The following TRMT9B variants were observed in gnomAD, a reference collection of about 807,000 sequenced individuals.
The protein encoded by TRMT9B is tRNA methyltransferase 9B (putative), also known as probable tRNA methyltransferase 9B.
TRMT9B carries 16 observed loss-of-function variants against 11.5 expected under a neutral mutation model. That is an observed-to-expected ratio of 1.39 (90% confidence interval 0.94 to 2.11). TRMT9B has a LOEUF of 2.11. TRMT9B is among the 30% of genes most tolerant of loss of function. The probability of loss-of-function intolerance (pLI) is 0.00; values close to 1 mark genes in which losing one functional copy is unlikely to be tolerated. For synonymous variants in TRMT9B, 274 were observed against 192.4 expected, an observed-to-expected ratio of 1.42 and a Z score of -3.51; for missense variants, 941 against 553.8, an observed-to-expected ratio of 1.70 and a Z score of -7.02.
At position 12,999,499 on chromosome 8, in the gene TRMT9B, A is replaced by T. The variant is rs532614135; in HGVS notation, c.-1-6703A>T. ...ATACTTTAAATATATGCAGTTTGTT[A>T]TATGTCAATTATACCTAAATAAAAC... On this transcript the variant is annotated intron_variant, in intron 2 of 4. Transcript: ENST00000524591. Among the ~76,000 whole-genome samples the T allele has an allele frequency of 8.5e-5, 13 of 152,228 alleles. No homozygotes were observed. In the South Asian group the frequency reaches 2.7e-3, roughly 32 times the overall value.
chr8:13,000,441 C>G (rs962375654), intron 2 of TRMT9B, among the ~76,000 whole-genome samples: 3 of 152,176 alleles, frequency 2.0e-5, no homozygotes, highest in African/African-American at 7.2e-5. Context: ...TTTCTGTCCT[C>G]TCTTCCATCC....
chr8:12,949,445 T>A (rs565235611), intron 1 of TRMT9B, among the ~76,000 whole-genome samples: 1 of 152,338 alleles, frequency 6.6e-6, no homozygotes, highest in South Asian at 2.1e-4. Flanking sequence ...CTTAAAAGTC[T>A]AGCTATGTTT....
intron 1 of TRMT9B, chr8:12,961,897 G>A (rs1337803927): frequency 2.0e-5 from 3 of 152,180 alleles, no homozygotes; most frequent in African/African-American, 7.2e-5. Flanking sequence ...GCTTTTAGCA[G>A]GCGAGGAGAA....
rs1354360804 is a variant in TRMT9B at position 13,027,869 on chromosome 8, C to T, written c.*5825C>T. On this transcript the variant is annotated 3_prime_UTR_variant, in exon 5 of 5. Coordinates refer to ENST00000524591, the MANE Select transcript of TRMT9B (RefSeq NM_020844.3). ...TTAACTCCTCTTGTTCCAATCTTAA[C>T]TCAAAATTATGATTATTTTGATTAT... 1 of 167,044 alleles carries T rather than the reference C, an allele frequency of 6.0e-6. No individual in the cohort carries two copies. The highest frequency in any genetic ancestry group is 1.5e-5 in the Non-Finnish European group (1 of 68,124). 10.3% of individuals were successfully genotyped at this position (167,044 alleles called of 1,614,324 possible).
At chr8:12,973,942 T>G (rs187263569) in intron 1 of TRMT9B, among the ~76,000 whole-genome samples, 1 of 152,276 alleles carries the variant, frequency 6.6e-6, no homozygotes, top group East Asian at 1.9e-4. Flanking sequence ...GGAGGATCGC[T>G]TAAGGCCAGG....
intron 1 of TRMT9B, among the ~76,000 whole-genome samples, chr8:12,977,144 G>C (rs1804584385): frequency 6.6e-6 from 1 of 152,198 alleles, no homozygotes; most frequent in South Asian, 2.1e-4. Context: ...CCCTCTCCAG[G>C]TTGGAAGGTG....
In TRMT9B at chr8:13,022,665, A is replaced by G. The variant is rs1040770727; in HGVS notation, c.*621A>G. 2 of 167,154 alleles carry G rather than the reference A, an allele frequency of 1.2e-5. No homozygotes were observed. Among genetic ancestry groups the G allele is most frequent in the African/African-American group, 4.8e-5 (2 of 41,460 alleles). 10.4% of individuals were successfully genotyped at this position (167,154 alleles called of 1,614,324 possible). On this transcript the variant is annotated 3_prime_UTR_variant, in exon 5 of 5. Coordinates refer to ENST00000524591, the MANE Select transcript of TRMT9B (RefSeq NM_020844.3). ...CTTCAAAATAAGTTGACATGTGATA[A>G]TAAGGTTTTCAATGTAGCCCAGGAG... is the stretch of plus-strand genomic sequence containing the variant.
rs977860039 is a variant in TRMT9B, at chr8:13,025,468, G to A, written c.*3424G>A. On this transcript the variant is annotated 3_prime_UTR_variant, in exon 5 of 5. Transcript: ENST00000524591. Reference sequence around the variant, plus strand: ...GGAGGCGGAGGTTGCAGTGAGCCGAGATTGTGCCATTGCACTCCAACCTGG... The same window carrying A: ...GGAGGCGGAGGTTGCAGTGAGCCGAAATTGTGCCATTGCACTCCAACCTGG... 1 of 161,746 alleles carries A rather than the reference G, an allele frequency of 6.2e-6. No homozygotes were observed. The highest frequency in any genetic ancestry group is 1.5e-5 in the Non-Finnish European group (1 of 68,364). The allele number at this position is 161,746 out of a possible 1,614,324, so 10.0% of individuals were successfully genotyped here. A position where few individuals can be genotyped will look rare whatever the true frequency, so the allele number is the denominator to read the frequency against.
intron 4 of TRMT9B, among the ~76,000 whole-genome samples, chr8:13,013,706 C>A (rs1268642370): frequency 3.9e-5 from 6 of 152,080 alleles, no homozygotes; most frequent in African/African-American, 1.2e-4. Context: ...TAATCCCAAC[C>A]CTTTGGGAGG....
At chr8:13,000,691 C>T (rs958245033) in intron 2 of TRMT9B, among the ~76,000 whole-genome samples, 1 of 152,172 alleles carries the variant, frequency 6.6e-6, no homozygotes, top group African/African-American at 2.4e-5. Context: ...TTACAAGTTG[C>T]TTGAAAAGTA....
chr8:12,956,266 G>A lies in TRMT9B; in HGVS notation c.-200+10300G>A, dbSNP rs4083032. On this transcript the variant is annotated intron_variant, in intron 1 of 4. Coordinates refer to ENST00000524591, the MANE Select transcript of TRMT9B (RefSeq NM_020844.3). ...CACATATCTAAAATATATTTCATCC[G>A]AGATTTGGCTAGAGTATTTATTTTT... Among the ~76,000 whole-genome samples the A allele has an allele frequency of 6.4e-3, 974 of 152,216 alleles. 9 individuals carry two copies. The highest frequency in any genetic ancestry group is 0.02 in the African/African-American group (846 of 41,532).
intron 1 of TRMT9B, among the ~76,000 whole-genome samples, chr8:12,984,706 C>G (rs1805966621): frequency 3.3e-5 from 5 of 152,142 alleles, no homozygotes; most frequent in Admixed American, 3.3e-4. Flanking sequence ...CACCAGCAGC[C>G]AATGCCTAGG....
chr8:13,018,523 T>G (rs1485644921), intron 4 of TRMT9B, among the ~76,000 whole-genome samples: 1 of 152,172 alleles, frequency 6.6e-6, no homozygotes. Context: ...AAGGTTTTTT[T>G]GTCTTATACC....
chr8:12,959,198 G>A (rs756600062), intron 1 of TRMT9B, among the ~76,000 whole-genome samples: 28 of 152,042 alleles, frequency 1.8e-4, no homozygotes, highest in Admixed American at 9.2e-4. Flanking sequence ...TACACCTTGG[G>A]CATCCCTAAC....
intron 2 of TRMT9B, among the ~76,000 whole-genome samples, chr8:12,998,171 C>G (rs1370858951): frequency 6.6e-6 from 1 of 152,198 alleles, no homozygotes; most frequent in African/African-American, 2.4e-5. Context: ...ACTACGAATA[C>G]TTCTTCACAC....
At chr8:12,959,237 G>A (rs2128861292) in intron 1 of TRMT9B, among the ~76,000 whole-genome samples, 1 of 152,230 alleles carries the variant, frequency 6.6e-6, no homozygotes, top group African/African-American at 2.4e-5. Context: ...AAATGCTCCA[G>A]TATCCAAAAA....
At chr8:12,956,572 C>A (rs756238221) in intron 1 of TRMT9B, among the ~76,000 whole-genome samples, 3 of 152,188 alleles carry the variant, frequency 2.0e-5, no homozygotes, top group Admixed American at 6.5e-5. Context: ...TTTTCCTTCT[C>A]AAAGCCGCAG....
At chr8:13,010,320 A>T in intron 3 of TRMT9B, 8 of 960,106 alleles carry the variant, frequency 8.3e-6, no homozygotes, top group Non-Finnish European at 9.9e-6. Flanking sequence ...ATGCATTTTA[A>T]TGAAATTGAA....
chr8:12,994,181 C>A (rs963067266), intron 2 of TRMT9B, among the ~76,000 whole-genome samples: 1 of 152,164 alleles, frequency 6.6e-6, no homozygotes, highest in Non-Finnish European at 1.5e-5. Context: ...GTATTTTAAT[C>A]TCTAAAACGT....
Sources: gnomAD v4.1 joint callset for allele counts (sites outside exome capture counted in the v4.1 genomes callset) on GRCh38, gnomAD v4.1.1 for gene constraint, MANE v1.5 for transcripts, NCBI Gene and HGNC (gene_info 2026-07-23, HGNC 2026-07-21) for gene names.